CLSTN1: variants seen among roughly 807,000 people sequenced by gnomAD.
The protein encoded by CLSTN1 is calsyntenin 1, also known as calsyntenin-1.
In CLSTN1, 28 loss-of-function variants were observed where a neutral mutation model predicts 108.3. That is an observed-to-expected ratio of 0.26 (90% CI 0.19 to 0.35). CLSTN1 has a LOEUF of 0.35. Among genes scored for constraint, CLSTN1 ranks in the 10% least tolerant of loss-of-function variants. CLSTN1 has a pLI of 1.00. For missense variants in CLSTN1, 1,157 were observed against 1,302.6 expected, an observed-to-expected ratio of 0.89 and a Z score of 1.72; for synonymous variants, 524 against 534.9, an observed-to-expected ratio of 0.98 and a Z score of 0.28.
intron 7 of CLSTN1, among the ~76,000 whole-genome samples, chr1:9,745,134 A>C (rs1377841130): frequency 6.6e-6 from 1 of 151,714 alleles, no homozygotes; most frequent in African/African-American, 2.4e-5. Flanking sequence ...TAAGGAAGGG[A>C]AAGGGCCAGG....
At chr1:9,750,387 C>T (rs1048006855) in intron 5 of CLSTN1, among the ~76,000 whole-genome samples, 1 of 152,110 alleles carries the variant, frequency 6.6e-6, no homozygotes, top group Non-Finnish European at 1.5e-5. Flanking sequence ...TCCATAATTC[C>T]ATCAAAGATT....
intron 1 of CLSTN1, among the ~76,000 whole-genome samples, chr1:9,812,559 A>G (rs970455345): frequency 1.2e-4 from 19 of 152,132 alleles, no homozygotes; most frequent in African/African-American, 4.3e-4. Flanking sequence ...TTAAAAACCT[A>G]TTGCTGGCTG....
rs79366852 is a variant in CLSTN1 at position 9,756,692 on chromosome 1, T to A, written c.215-182A>T. On this transcript the variant is annotated intron_variant, in intron 2 of 18. Coordinates refer to ENST00000377298, the MANE Select transcript of CLSTN1 (RefSeq NM_001009566.3). ...AACAAAATGTCACTTTGAATCCAAC[T>A]TACCATGAACTACTGCATAATTCTG... Among the ~76,000 whole-genome samples, 660 of 152,314 alleles carry A rather than the reference T, an allele frequency of 4.3e-3. 12 individuals carry two copies. Among genetic ancestry groups the A allele is most frequent in the East Asian group, 0.043 (222 of 5,188 alleles).
intron 9 of CLSTN1, among the ~76,000 whole-genome samples, chr1:9,741,464 C>T (rs1650980002): frequency 6.6e-6 from 1 of 152,234 alleles, no homozygotes; most frequent in African/African-American, 2.4e-5. Context: ...GCATTGCTCA[C>T]TAACCAGAGG....
rs540882850 is a variant in CLSTN1 at position 9,807,213 on chromosome 1, G to A, written c.91+16430C>T. Among the ~76,000 whole-genome samples, 20 of 152,076 alleles carry A rather than the reference G, an allele frequency of 1.3e-4. 4 individuals are homozygous for A. In the South Asian group the frequency reaches 3.3e-3, roughly 25 times the overall value. ...CAGCGCTTCCCAAGCTTACATGACC[G>A]AGACCTCATTGACCTAACAGCACCT... On this transcript the variant is annotated intron_variant, in intron 1 of 18. Coordinates refer to ENST00000377298, the MANE Select transcript of CLSTN1 (RefSeq NM_001009566.3).
At chr1:9,733,672 G>A (rs1290403018) in intron 15 of CLSTN1, 126 bp from the exon 16 acceptor site, 1 of 1,152,938 alleles carries the variant, frequency 8.7e-7, no homozygotes, top group Non-Finnish European at 1.2e-6. Context: ...GGTCACACAA[G>A]TTGGCTTTCT....
intron 1 of CLSTN1, among the ~76,000 whole-genome samples, chr1:9,811,086 T>C (rs1340590144): frequency 6.6e-6 from 1 of 152,176 alleles, no homozygotes; most frequent in Non-Finnish European, 1.5e-5. Flanking sequence ...GTTAATAAAC[T>C]TTACCAAATG....
Position 9,741,193 on chromosome 1 carries a change from C to T in CLSTN1, c.1420G>A (p.Val474Met), listed in dbSNP as rs2101089653. 3 of 1,614,074 alleles carry T rather than the reference C, an allele frequency of 1.9e-6. No homozygotes were observed. The highest frequency in any genetic ancestry group is 2.5e-6 in the Non-Finnish European group (3 of 1,179,976). Residue 474 changes from valine to methionine, a missense_variant, in exon 10 of 19, where the codon GTG (valine) becomes ATG (methionine). Transcript: ENST00000377298. ...AAGGGCTCGTGGGACGTGCCATCCA[C>T]ATAGAGAGTCACACTCGGGAATTCT... ...NVEFPSVTLY[V>M]DGTSHEPFSV...
At chr1:9,819,820 G>A (rs1421991428) in intron 1 of CLSTN1, among the ~76,000 whole-genome samples, 1 of 152,070 alleles carries the variant, frequency 6.6e-6, no homozygotes, top group Non-Finnish European at 1.5e-5. Flanking sequence ...GTAATACTGA[G>A]GTCTATATTC....
chr1:9,744,306 G>T (rs1287688572), intron 8 of CLSTN1, 89 bp downstream of exon 8: 29 of 1,504,544 alleles, frequency 1.9e-5, no homozygotes, highest in Non-Finnish European at 2.2e-5. Flanking sequence ...GGCTGGCAGG[G>T]GACCCTGGGA....
intron 9 of CLSTN1, among the ~76,000 whole-genome samples, chr1:9,743,037 A>G (rs1651058418): frequency 1.3e-5 from 2 of 152,184 alleles, no homozygotes. Flanking sequence ...AGACACTATT[A>G]TATTTTAGCA....
intron 1 of CLSTN1, among the ~76,000 whole-genome samples, chr1:9,796,782 G>A (rs1570505281): frequency 1.3e-5 from 2 of 152,150 alleles, no homozygotes; most frequent in South Asian, 2.1e-4. Context: ...AACCTGCAAC[G>A]GCCTCTGGTA....
Position 9,799,342 on chromosome 1 carries a change from G to A in CLSTN1, c.91+24301C>T, listed in dbSNP as rs571178489. On this transcript the variant is annotated intron_variant, in intron 1 of 18. Transcript: ENST00000377298. ...TGGAGTTCAATGTGCAGAACTCTGA[G>A]AGTTAAAAATTCCAGGGAGCCGGGC... Among the ~76,000 whole-genome samples, 178 of 152,224 alleles carry A rather than the reference G, an allele frequency of 1.2e-3. 4 individuals are homozygous for A. The South Asian group carries it at 0.015, about 13-fold the overall frequency.
rs200480210 is a variant in CLSTN1 at position 9,791,170 on chromosome 1, T to TTAA, written c.92-17777_92-17776insTTA. ...AAAAAAAAAAAAAAAAAAGATGGAA[T>TTAA]TGTTTCTCCTGTTAAACCTGGCTTA... On this transcript the variant is annotated intron_variant, in intron 1 of 18. Coordinates refer to ENST00000377298, the MANE Select transcript of CLSTN1 (RefSeq NM_001009566.3). Among the ~76,000 whole-genome samples the TTAA allele has an allele frequency of 8.4e-3, 1,251 of 148,970 alleles. 32 individuals are homozygous for TTAA. The highest frequency in any genetic ancestry group is 0.041 in the East Asian group (205 of 4,964).
intron 2 of CLSTN1, among the ~76,000 whole-genome samples, chr1:9,763,909 C>T (rs1421223028): frequency 1.3e-5 from 2 of 152,138 alleles, no homozygotes; most frequent in African/African-American, 4.8e-5. Context: ...GCTATCTCAG[C>T]CCATTCAGTG....
chr1:9,731,414 A>G (rs2101071139), intron 17 of CLSTN1, 24 bp from the exon 18 acceptor site: 2 of 1,610,722 alleles, frequency 1.2e-6, no homozygotes, highest in Non-Finnish European at 1.7e-6. Context: ...AGGGGGCGGG[A>G]TGCGAGGTCA....
At chr1:9,813,126 C>T (rs1388757310) in intron 1 of CLSTN1, among the ~76,000 whole-genome samples, 1 of 152,164 alleles carries the variant, frequency 6.6e-6, no homozygotes, top group African/African-American at 2.4e-5. Flanking sequence ...GAGTACACCA[C>T]TGCACTCCAG....
intron 2 of CLSTN1, among the ~76,000 whole-genome samples, chr1:9,764,461 A>T (rs1255053371): frequency 6.6e-6 from 1 of 151,906 alleles, no homozygotes; most frequent in Non-Finnish European, 1.5e-5. Context: ...ACATGGTGAA[A>T]CCCTGTCTCT....
rs1570452692 is a variant in CLSTN1, at chr1:9,751,787, T to C, written c.441-106A>G. On this transcript the variant is annotated intron_variant, in intron 4 of 18. Coordinates refer to ENST00000377298, the MANE Select transcript of CLSTN1 (RefSeq NM_001009566.3). ...CCCAATTCTGCCCTACTTTAAAATT[T>C]CCTGTTTCTGATACCTTGTTTCATG... is the stretch of plus-strand genomic sequence containing the variant. 3 of 940,734 alleles carry C rather than the reference T, an allele frequency of 3.2e-6. No homozygotes were observed. In the East Asian group the frequency reaches 7.7e-5, roughly 24 times the overall value. The allele number at this position is 940,734 out of a possible 1,614,324, so 58.3% of individuals were successfully genotyped here.
Sources: allele counts gnomAD v4.1 joint callset (sites outside exome capture counted in the v4.1 genomes callset), GRCh38; gene constraint gnomAD v4.1.1; transcripts MANE v1.5; gene names NCBI Gene and HGNC (gene_info 2026-07-23, HGNC 2026-07-21).